Variants in ZBTB7C observed in about 807,000 individuals in gnomAD.
ZBTB7C encodes zinc finger and BTB domain containing 7C.
In ZBTB7C, 8 loss-of-function variants were observed where a neutral mutation model predicts 25.7. That is an observed-to-expected ratio of 0.31 (90% CI 0.18 to 0.56). The LOEUF is 0.56. ZBTB7C is among the 20% of genes least tolerant of loss of function. The pLI, the probability that ZBTB7C is intolerant of heterozygous loss-of-function variation, is 0.91. For missense variants in ZBTB7C, 824 were observed against 855.2 expected, an observed-to-expected ratio of 0.96 and a Z score of 0.46; for synonymous variants, 394 against 369.0, an observed-to-expected ratio of 1.07 and a Z score of -0.78.
intron 2 of ZBTB7C, among the ~76,000 whole-genome samples, chr18:48,289,560 ATTTATT>A (rs200347180): frequency 0.097 from 14,534 of 149,626 alleles, 827 homozygotes; most frequent in South Asian, 0.18. Context: ...TTCAATATAT[ATTTATT>A]ATAATATATT....
chr18:48,228,320 T>C (rs141712473), intron 2 of ZBTB7C, among the ~76,000 whole-genome samples: 311 of 152,288 alleles, frequency 2.0e-3, no homozygotes, highest in South Asian at 3.7e-3. Flanking sequence ...TGACCACAGA[T>C]GATTTTGTTA....
intron 2 of ZBTB7C, among the ~76,000 whole-genome samples, chr18:48,280,819 C>A (rs1442724899): frequency 1.3e-5 from 2 of 151,536 alleles, no homozygotes; most frequent in African/African-American, 4.8e-5. Context: ...ATTTAAGCAC[C>A]AGCTTTCCTA....
At chr18:48,295,035 C>T (rs1388026672) in intron 2 of ZBTB7C, among the ~76,000 whole-genome samples, 1 of 152,034 alleles carries the variant, frequency 6.6e-6, no homozygotes, top group Non-Finnish European at 1.5e-5. Flanking sequence ...GGTGAGAGGG[C>T]ACACACCAGG....
chr18:48,068,138 C>CT (rs1266919637), intron 3 of ZBTB7C, among the ~76,000 whole-genome samples: 36,624 of 124,936 alleles, frequency 0.29, 6,264 homozygotes, highest in Non-Finnish European at 0.35. Context: ...CCTTGTAAGT[C>CT]TTTTTTTTTT....
chr18:48,218,666 C>T (rs981018179), intron 2 of ZBTB7C, among the ~76,000 whole-genome samples: 2 of 152,194 alleles, frequency 1.3e-5, no homozygotes, highest in African/African-American at 4.8e-5. Flanking sequence ...TTGTTGTAGC[C>T]TCTGCATCCT....
At chr18:48,080,030 A>T (rs1010796741) in intron 3 of ZBTB7C, among the ~76,000 whole-genome samples, 2 of 152,222 alleles carry the variant, frequency 1.3e-5, no homozygotes, top group African/African-American at 4.8e-5. Flanking sequence ...AGCAGACGTT[A>T]CCACACTCTG....
rs1598738023 is a variant in ZBTB7C at position 48,029,683 on chromosome 18, G to A, written c.1437C>T (p.Arg479=). 1.3e-6 allele frequency: 2 copies of A among 1,583,110 alleles called. No homozygotes were observed. The highest frequency in any genetic ancestry group is 1.8e-5 in the Admixed American group (1 of 56,054). ...RQSCRMARPR[R]GRKPAAWRAA... ...CCCTCCACGCAGCAGGCTTGCGGCC[G>A]CGTCGGGGCCGTGCCATGCGGCAGC... Residue 479 remains arginine (R), a synonymous_variant, in exon 5 of 5, where the codon CGC becomes CGT. Transcript: ENST00000590800.
At chr18:48,268,666 A>C (rs2044383111) in intron 2 of ZBTB7C, among the ~76,000 whole-genome samples, 1 of 152,256 alleles carries the variant, frequency 6.6e-6, no homozygotes, top group Non-Finnish European at 1.5e-5. Context: ...GCCAAGGTCA[A>C]GGCCTAGGCT....
At chr18:48,194,730 T>C (rs1047529821) in intron 2 of ZBTB7C, among the ~76,000 whole-genome samples, 5 of 151,952 alleles carry the variant, frequency 3.3e-5, no homozygotes, top group African/African-American at 1.2e-4. Context: ...GATCAGGAAA[T>C]ACAGCCAGGA....
chr18:48,209,196 G>T (rs1269119567), intron 2 of ZBTB7C, among the ~76,000 whole-genome samples: 1 of 152,156 alleles, frequency 6.6e-6, no homozygotes, highest in African/African-American at 2.4e-5. Context: ...TCCAAGTTGG[G>T]ACCTGTTATT....
chr18:48,317,486 A>C (rs1281684622), intron 2 of ZBTB7C, among the ~76,000 whole-genome samples: 1 of 152,116 alleles, frequency 6.6e-6, no homozygotes, highest in Non-Finnish European at 1.5e-5. Flanking sequence ...TGATTCCAGA[A>C]ACAAAACGTC....
chr18:48,127,604 G>C (rs1286756615), intron 3 of ZBTB7C, among the ~76,000 whole-genome samples: 1 of 152,202 alleles, frequency 6.6e-6, no homozygotes, highest in East Asian at 1.9e-4. Context: ...TTGTGGGCCA[G>C]CATTTCTCCT....
chr18:48,204,810 G>A (rs964383637), intron 2 of ZBTB7C, among the ~76,000 whole-genome samples: 1 of 152,168 alleles, frequency 6.6e-6, no homozygotes, highest in African/African-American at 2.4e-5. Flanking sequence ...GCCTATGCCA[G>A]AGGCTCCCAT....
intron 2 of ZBTB7C, among the ~76,000 whole-genome samples, chr18:48,237,435 G>T (rs1185338422): frequency 6.6e-6 from 1 of 152,140 alleles, no homozygotes; most frequent in East Asian, 1.9e-4. Flanking sequence ...GGAAGGAACA[G>T]TTGGGAGGGT....
chr18:48,405,662 C>A (rs977840228), intron 1 of ZBTB7C, among the ~76,000 whole-genome samples: 1 of 152,180 alleles, frequency 6.6e-6, no homozygotes, highest in Non-Finnish European at 1.5e-5. Flanking sequence ...TCCAAGAAGC[C>A]CTGCAGGATG....
intron 3 of ZBTB7C, among the ~76,000 whole-genome samples, chr18:48,053,304 C>T (rs1237827986): frequency 3.3e-5 from 5 of 152,098 alleles, no homozygotes; most frequent in African/African-American, 9.7e-5. Flanking sequence ...GCCTTGCATG[C>T]GCGGGTTGGG....
At chr18:48,346,878 G>C (rs911466630) in intron 1 of ZBTB7C, among the ~76,000 whole-genome samples, 1 of 151,830 alleles carries the variant, frequency 6.6e-6, no homozygotes, top group Non-Finnish European at 1.5e-5. Flanking sequence ...TCTGCCTCCC[G>C]GGTTTAAGTG....
At chr18:48,372,783 T>G (rs893438666) in intron 1 of ZBTB7C, among the ~76,000 whole-genome samples, 7 of 152,122 alleles carry the variant, frequency 4.6e-5, no homozygotes, top group Non-Finnish European at 8.8e-5. Context: ...CTACCCTATA[T>G]GCAGGTCCTG....
chr18:48,367,371 T>TATAA (rs34753129), intron 1 of ZBTB7C, among the ~76,000 whole-genome samples: 31,160 of 113,218 alleles, frequency 0.28, 4,590 homozygotes, highest in East Asian at 0.57. Context: ...TATATATATA[T>TATAA]AAAATACAAA....
Sources: allele counts gnomAD v4.1 joint callset (sites outside exome capture counted in the v4.1 genomes callset), GRCh38; gene constraint gnomAD v4.1.1; transcripts MANE v1.5; gene names NCBI Gene and HGNC (gene_info 2026-07-23, HGNC 2026-07-21).